EIF2B3: variants seen among roughly 807,000 people sequenced by gnomAD.
EIF2B3 encodes the protein translation initiation factor eIF2B subunit gamma.
A neutral mutation model predicts 54.1 loss-of-function variants in EIF2B3; 20 were observed. The observed-to-expected ratio is 0.37, with a 90% CI of 0.26 to 0.54. The LOEUF (loss-of-function observed/expected upper bound fraction) is 0.54. Ranked by LOEUF, EIF2B3 falls within the 20% of genes least tolerant of loss-of-function variation. EIF2B3 has a pLI of 0.86. For synonymous variants in EIF2B3, 153 were observed against 188.1 expected, an observed-to-expected ratio of 0.81 and a Z score of 1.52; for missense variants, 448 against 547.8, an observed-to-expected ratio of 0.82 and a Z score of 1.82.
intron 3 of EIF2B3, among the ~76,000 whole-genome samples, chr1:44,973,442 C>T (rs551651689): frequency 2.0e-5 from 3 of 152,190 alleles, no homozygotes; most frequent in Non-Finnish European, 4.4e-5. Context: ...AAGCCAATCA[C>T]AAAAAATAAA....
At chr1:44,906,578 T>C (rs1643414958) in intron 5 of EIF2B3, among the ~76,000 whole-genome samples, 1 of 152,176 alleles carries the variant, frequency 6.6e-6, no homozygotes, top group Non-Finnish European at 1.5e-5. Flanking sequence ...TTTTTTGTAT[T>C]TAGTAGAGAC....
At chr1:44,906,855 T>C (rs1643422172) in intron 5 of EIF2B3, among the ~76,000 whole-genome samples, 1 of 152,216 alleles carries the variant, frequency 6.6e-6, no homozygotes, top group Non-Finnish European at 1.5e-5. Flanking sequence ...AGCATAGTCC[T>C]ATCCTCTGAA....
intron 3 of EIF2B3, among the ~76,000 whole-genome samples, chr1:44,972,148 G>A (rs1644404925): frequency 6.6e-6 from 1 of 151,988 alleles, no homozygotes; most frequent in Non-Finnish European, 1.5e-5. Context: ...CAGCACTTTG[G>A]GAGGCCAAGG....
Position 44,875,513 on chromosome 1 carries a change from G to A in EIF2B3, c.1053+105C>T, listed in dbSNP as rs1380661303. 1.5e-5 allele frequency: 15 copies of A among 1,024,428 alleles called. No individual in the cohort carries two copies. In the Admixed American group the frequency reaches 2.6e-4, roughly 18 times the overall value. The allele number at this position is 1,024,428 out of a possible 1,614,324, so 63.5% of individuals were successfully genotyped here. A position where few individuals can be genotyped will look rare whatever the true frequency, so the allele number is the denominator to read the frequency against. ...CAGAACCCACTGTGATTTCCCTGGG[G>A]CTGATGAGGTTCAGGACTTAAAGGC... On this transcript the variant is annotated intron_variant, in intron 9 of 11. Transcript: ENST00000360403.
chr1:44,887,884 C>A (rs1179339107), intron 6 of EIF2B3, among the ~76,000 whole-genome samples: 1 of 152,086 alleles, frequency 6.6e-6, no homozygotes, highest in Admixed American at 6.6e-5. Flanking sequence ...GGCGACAGAG[C>A]CAGACTCTGT....
chr1:44,854,742 C>A (rs1280306199), intron 11 of EIF2B3, among the ~76,000 whole-genome samples: 1 of 151,786 alleles, frequency 6.6e-6, no homozygotes, highest in Admixed American at 6.6e-5. Context: ...CATGCACTAC[C>A]ACGCCCGGCT....
chr1:44,924,095 C>T (rs1643805084), intron 5 of EIF2B3, among the ~76,000 whole-genome samples: 1 of 151,956 alleles, frequency 6.6e-6, no homozygotes, highest in Non-Finnish European at 1.5e-5. Context: ...TGCCTGCCAC[C>T]ACACCCAGCT....
chr1:44,950,364 G>A (rs1196235189), intron 3 of EIF2B3, among the ~76,000 whole-genome samples: 2 of 152,186 alleles, frequency 1.3e-5, no homozygotes, highest in Non-Finnish European at 2.9e-5. Flanking sequence ...TCAGGCTGCA[G>A]TAAGCTATGA....
chr1:44,869,432 C>T (rs1654886127), intron 10 of EIF2B3, among the ~76,000 whole-genome samples: 1 of 150,248 alleles, frequency 6.7e-6, no homozygotes, highest in African/African-American at 2.5e-5. Flanking sequence ...GAGCTGAGAT[C>T]ACGCCATTGC....
intron 10 of EIF2B3, among the ~76,000 whole-genome samples, chr1:44,868,450 GTTTCC>G (rs971893221): frequency 2.7e-5 from 4 of 148,912 alleles, no homozygotes; most frequent in Non-Finnish European, 4.4e-5. Flanking sequence ...GGGAGCCATG[GTTTCC>G]TCGCCAAGTC....
At position 44,981,542 on chromosome 1, in the gene EIF2B3, T is replaced by C. The variant is rs115636007; in HGVS notation, c.-9-365A>G. 7.6e-3 allele frequency among the ~76,000 whole-genome samples: 1,162 copies of C among 152,310 alleles called. 15 individuals carry two copies. The highest frequency in any genetic ancestry group is 0.027 in the African/African-American group (1,102 of 41,574). On this transcript the variant is annotated intron_variant, in intron 1 of 11. Coordinates refer to ENST00000360403, the MANE Select transcript of EIF2B3 (RefSeq NM_020365.5). ...CAATAAAAGGAACACCTAGTTTTCATTGAAAACACAGAGAAGTTTTTATAG... is the reference window on the plus strand; with the variant it reads ...CAATAAAAGGAACACCTAGTTTTCACTGAAAACACAGAGAAGTTTTTATAG...
At chr1:44,964,302 TTAA>T (rs1281275876) in intron 3 of EIF2B3, among the ~76,000 whole-genome samples, 2 of 152,182 alleles carry the variant, frequency 1.3e-5, no homozygotes, top group South Asian at 2.1e-4. Context: ...ACGTTGCCAC[TTAA>T]TAAAGTCTTT....
chr1:44,898,526 A>G (rs1041759873), intron 5 of EIF2B3, among the ~76,000 whole-genome samples: 4 of 152,198 alleles, frequency 2.6e-5, no homozygotes. Flanking sequence ...GGTGTAAAAA[A>G]TGCCATGCTT....
chr1:44,953,282 C>A (rs552468625), intron 3 of EIF2B3, among the ~76,000 whole-genome samples: 1 of 151,828 alleles, frequency 6.6e-6, no homozygotes, highest in African/African-American at 2.4e-5. Flanking sequence ...AAAGAACCAG[C>A]CTCACTCTGG....
rs922916021 is a variant in EIF2B3, at chr1:44,942,925, G to A, written c.295-1260C>T. On this transcript the variant is annotated intron_variant, in intron 3 of 11. Transcript: ENST00000360403. Reference sequence around the variant, plus strand: ...AGCTGGAGTGCACTGGCAAGATCTCGGCTCACGGCAAGCTCCGCCTCCCGG... The same window carrying A: ...AGCTGGAGTGCACTGGCAAGATCTCAGCTCACGGCAAGCTCCGCCTCCCGG... 1.0e-4 allele frequency among the ~76,000 whole-genome samples: 15 copies of A among 150,170 alleles called. No individual in the cohort carries two copies. The East Asian group carries it at 2.5e-3, about 25-fold the overall frequency.
intron 1 of EIF2B3, among the ~76,000 whole-genome samples, chr1:44,986,138 C>CTT (rs66786376): frequency 5.3e-4 from 76 of 142,254 alleles, no homozygotes; most frequent in African/African-American, 1.4e-3. Flanking sequence ...CTTTTCTTTT[C>CTT]TTTTTTTTTT....
chr1:44,918,783 C>T (rs1256683825), intron 5 of EIF2B3, among the ~76,000 whole-genome samples: 2 of 152,232 alleles, frequency 1.3e-5, no homozygotes, highest in Non-Finnish European at 2.9e-5. Context: ...TTATTTTCAT[C>T]ATCAACCCTG....
At chr1:44,871,300 C>T (rs1021370531) in intron 10 of EIF2B3, among the ~76,000 whole-genome samples, 8 of 152,142 alleles carry the variant, frequency 5.3e-5, no homozygotes, top group African/African-American at 1.9e-4. Flanking sequence ...AGTTTAGGAC[C>T]TCTTCTATTT....
At chr1:44,952,878 C>T (rs1007364119) in intron 3 of EIF2B3, among the ~76,000 whole-genome samples, 6 of 152,118 alleles carry the variant, frequency 3.9e-5, no homozygotes, top group African/African-American at 1.2e-4. Flanking sequence ...AAGGGAAACC[C>T]ATCCACTCGT....
Sources: allele counts gnomAD v4.1 joint callset (sites outside exome capture counted in the v4.1 genomes callset), GRCh38; gene constraint gnomAD v4.1.1; transcripts MANE v1.5; gene names NCBI Gene and HGNC (gene_info 2026-07-23, HGNC 2026-07-21).